LRCH3: variants seen among roughly 807,000 people sequenced by gnomAD.
LRCH3 encodes leucine rich repeats and calponin homology domain containing 3, also known as DISP complex protein LRCH3.
Under a neutral mutation model 104.5 loss-of-function variants are expected in LRCH3, and 68 were observed. The ratio of observed to expected loss-of-function variants is 0.65; its 90% CI spans 0.54 to 0.80. The LOEUF is 0.80. Among genes scored for constraint, LRCH3 ranks in the 30% least tolerant of loss-of-function variants. LRCH3 has a pLI of 0.00. For synonymous variants in LRCH3, 344 were observed against 361.3 expected (o/e 0.95, Z 0.54); for missense variants, 951 against 953.9 (o/e 1.00, Z 0.04).
chr3:197,872,294 C>T (rs1712295402), intron 19 of LRCH3, among the ~76,000 whole-genome samples: 1 of 146,786 alleles, frequency 6.8e-6, no homozygotes, highest in Admixed American at 7.0e-5. Flanking sequence ...GAGTTCGAGG[C>T]TGCAGTGAGC....
At chr3:197,832,931 G>T (rs1736157173) in intron 8 of LRCH3, among the ~76,000 whole-genome samples, 1 of 151,952 alleles carries the variant, frequency 6.6e-6, no homozygotes, top group Admixed American at 6.6e-5. Flanking sequence ...AATTTTGAGG[G>T]CCAGTTATAA....
At chr3:197,864,621 A>C (rs1741255574) in intron 15 of LRCH3, among the ~76,000 whole-genome samples, 3 of 150,832 alleles carry the variant, frequency 2.0e-5, no homozygotes, top group South Asian at 2.1e-4. Flanking sequence ...AAAAAAAAAA[A>C]AACAAAAAAC....
intron 1 of LRCH3, among the ~76,000 whole-genome samples, chr3:197,797,310 C>T (rs922470539): frequency 4.7e-5 from 5 of 106,432 alleles, no homozygotes; most frequent in South Asian, 2.9e-4. Context: ...GACTGGGCAA[C>T]GAGCAAAACT....
At position 197,866,289 on chromosome 3, in the gene LRCH3, A is replaced by G. The variant is rs973355536; in HGVS notation, c.1873+70A>G. The G allele has an allele frequency of 5.6e-6, 6 of 1,079,174 alleles. No homozygotes were observed. The Admixed American group carries it at 1.1e-4, about 19-fold the overall frequency. The allele number at this position is 1,079,174 out of a possible 1,614,324, so 66.8% of individuals were successfully genotyped here. On this transcript the variant is annotated intron_variant, in intron 17 of 20. Transcript: ENST00000425562. ...CACAACGACGCTAGCTGTTAGATGG[A>G]TGCTTTTAAACTTCTGCATATAGTA...
intron 8 of LRCH3, among the ~76,000 whole-genome samples, chr3:197,832,630 C>T (rs1736109638): frequency 6.6e-6 from 1 of 151,440 alleles, no homozygotes; most frequent in African/African-American, 2.4e-5. Flanking sequence ...GTAACATTCT[C>T]CCTTTTTAAG....
intron 14 of LRCH3, among the ~76,000 whole-genome samples, chr3:197,855,165 G>A (rs965534190): frequency 2.0e-5 from 3 of 152,158 alleles, no homozygotes; most frequent in Admixed American, 2.0e-4. Flanking sequence ...TGCTGCCAGG[G>A]TGCATCCTGC....
chr3:197,836,633 G>C (rs1736835941), intron 9 of LRCH3, among the ~76,000 whole-genome samples: 1 of 152,266 alleles, frequency 6.6e-6, no homozygotes, highest in Non-Finnish European at 1.5e-5. Flanking sequence ...GAAAAAAAAA[G>C]AAATAGAGAA....
chr3:197,848,757 A>G (rs1413680901), intron 12 of LRCH3, among the ~76,000 whole-genome samples: 2 of 152,162 alleles, frequency 1.3e-5, no homozygotes, highest in African/African-American at 2.4e-5. Context: ...GATTAAATGA[A>G]TTTTTCTTGT....
intron 9 of LRCH3, among the ~76,000 whole-genome samples, chr3:197,838,468 G>A (rs993825790): frequency 6.6e-6 from 1 of 151,876 alleles, no homozygotes; most frequent in African/African-American, 2.4e-5. Flanking sequence ...GAAGTAGATG[G>A]TAAGTAGTTT....
At chr3:197,879,468 A>G (rs1010013547) in intron 20 of LRCH3, among the ~76,000 whole-genome samples, 21 of 150,920 alleles carry the variant, frequency 1.4e-4, no homozygotes, top group South Asian at 6.2e-4. Context: ...AACATGGTGA[A>G]ACCCCGTCTC....
At chr3:197,840,465 C>A (rs200027957) in intron 10 of LRCH3, among the ~76,000 whole-genome samples, 3 of 151,886 alleles carry the variant, frequency 2.0e-5, no homozygotes, top group South Asian at 2.1e-4. Context: ...TCAAAAAAAC[C>A]AAAAAAAGAA....
chr3:197,791,366 T>C lies in LRCH3; in HGVS notation c.88T>C (p.Cys30Arg), dbSNP rs1338662410. The C allele has an allele frequency of 1.2e-6, 2 of 1,603,240 alleles. No individual in the cohort carries two copies. Among genetic ancestry groups the C allele is most frequent in the African/African-American group, 1.3e-5 (1 of 74,628 alleles). ...GGGAGGTAACCTCCCTGGTGTTCACTGCGGCCCAAGCTCCGGGGCAGGCCC... is the reference window on the plus strand; with the variant it reads ...GGGAGGTAACCTCCCTGGTGTTCACCGCGGCCCAAGCTCCGGGGCAGGCCC... The part of the protein sequence containing the change: ...ASGGNLPGVH[C>R]GPSSGAGPGF... The change falls in exon 1 of 21, where the codon TGC becomes CGC. Residue 30 changes from cysteine to arginine, a missense_variant. Transcript: ENST00000425562.
chr3:197,807,949 T>C (rs959350052), intron 1 of LRCH3, among the ~76,000 whole-genome samples: 4 of 152,228 alleles, frequency 2.6e-5, no homozygotes, highest in South Asian at 4.1e-4. Flanking sequence ...AACAGTCTTA[T>C]AATTTTTGCT....
In LRCH3 at chr3:197,846,069, A is replaced by G. The variant is rs144633303; in HGVS notation, c.1329-1340A>G. Among the ~76,000 whole-genome samples, 17 of 152,266 alleles carry G rather than the reference A, an allele frequency of 1.1e-4. No homozygotes were observed. The East Asian group carries it at 3.1e-3, about 28-fold the overall frequency. ...GGGAAATTTTAACAGTGAAATTAGT[A>G]ATCTAGGGAGAAAGTTGCAGTTAAT... On this transcript the variant is annotated intron_variant, in intron 10 of 20. Coordinates refer to ENST00000425562, the MANE Select transcript of LRCH3 (RefSeq NM_001365715.1).
At chr3:197,859,109 A>C in intron 15 of LRCH3, 1 of 555,502 alleles carries the variant, frequency 1.8e-6, no homozygotes, top group South Asian at 2.2e-5. Context: ...AGCTCACATT[A>C]ATTCTTCGTA....
chr3:197,838,276 TG>T (rs1737199095), intron 9 of LRCH3, among the ~76,000 whole-genome samples: 1 of 152,186 alleles, frequency 6.6e-6, no homozygotes, highest in African/African-American at 2.4e-5. Context: ...AATTTTAAAA[TG>T]GTGTCTTCAC....
intron 10 of LRCH3, among the ~76,000 whole-genome samples, chr3:197,840,239 A>T (rs945837316): frequency 1.3e-5 from 2 of 152,106 alleles, no homozygotes; most frequent in African/African-American, 4.8e-5. Context: ...GGAGTTCGAG[A>T]CCAGCCTGGC....
chr3:197,887,498 G>GC lies in LRCH3; in HGVS notation c.*3838dup, dbSNP rs1253775561. The GC allele has an allele frequency of 3.0e-5, 4 of 131,316 alleles. No homozygotes were observed. The highest frequency in any genetic ancestry group is 1.3e-4 in the African/African-American group (4 of 31,802). 8.1% of individuals were successfully genotyped at this position (131,316 alleles called of 1,614,324 possible). ...TCACTGACAGTGTTGGGGGCTGAGA[G>GC]CCCCCCAGCAGAGCCCTTCCCATCA... On this transcript the variant is annotated 3_prime_UTR_variant, in exon 21 of 21. Transcript: ENST00000425562.
At chr3:197,806,856 A>T (rs982822538) in intron 1 of LRCH3, among the ~76,000 whole-genome samples, 3 of 151,224 alleles carry the variant, frequency 2.0e-5, no homozygotes, top group African/African-American at 7.3e-5. Context: ...CCGGCTCCTG[A>T]GACCCCATTT....
Sources: allele counts gnomAD v4.1 joint callset (sites outside exome capture counted in the v4.1 genomes callset), GRCh38; gene constraint gnomAD v4.1.1; transcripts MANE v1.5; gene names NCBI Gene and HGNC (gene_info 2026-07-23, HGNC 2026-07-21).